Variants in PDE4D observed in about 807,000 individuals in gnomAD.
PDE4D encodes 3',5'-cyclic-AMP phosphodiesterase 4D.
In PDE4D, 24 loss-of-function variants were observed where a neutral mutation model predicts 87.4. That is an observed-to-expected ratio of 0.27 (90% CI 0.20 to 0.39). PDE4D has a LOEUF of 0.39. Among genes scored for constraint, PDE4D ranks in the 10% least tolerant of loss-of-function variants. The pLI, the probability that PDE4D is intolerant of heterozygous loss-of-function variation, is 1.00. For synonymous variants in PDE4D, 384 were observed against 383.2 expected (o/e 1.00, Z -0.02); for missense variants, 714 against 1,041.0 (o/e 0.69, Z 4.32).
intron 4 of PDE4D, among the ~76,000 whole-genome samples, chr5:59,183,048 C>G (rs549582285): frequency 6.6e-6 from 1 of 152,302 alleles, no homozygotes; most frequent in East Asian, 1.9e-4. Context: ...GAGTGCCCAG[C>G]AGGAAAGGTT....
chr5:59,647,837 A>G (rs1742731975), intron 1 of PDE4D, among the ~76,000 whole-genome samples: 1 of 152,196 alleles, frequency 6.6e-6, no homozygotes, highest in African/African-American at 2.4e-5. Context: ...ACTATTAAAC[A>G]CATAACTTAT....
chr5:60,325,993 G>A (rs73106751), intron 1 of PDE4D, among the ~76,000 whole-genome samples: 8,860 of 152,160 alleles, frequency 0.058, 855 homozygotes, highest in African/African-American at 0.2. Flanking sequence ...GTATGTATCA[G>A]TAGTTTGTTT....
intron 1 of PDE4D, among the ~76,000 whole-genome samples, chr5:59,490,665 C>T (rs1806014095): frequency 1.3e-5 from 2 of 152,148 alleles, no homozygotes. Flanking sequence ...CATTTGTGTA[C>T]TGCAATGACT....
intron 1 of PDE4D, among the ~76,000 whole-genome samples, chr5:60,289,762 T>C (rs1323803377): frequency 6.6e-6 from 1 of 152,190 alleles, no homozygotes; most frequent in Non-Finnish European, 1.5e-5. Flanking sequence ...TAATTAAATG[T>C]GCAATTTGTT....
At chr5:59,124,002 C>A (rs945372035) in intron 5 of PDE4D, among the ~76,000 whole-genome samples, 1 of 152,202 alleles carries the variant, frequency 6.6e-6, no homozygotes, top group Non-Finnish European at 1.5e-5. Flanking sequence ...AATATTTCTA[C>A]AACTGTCAAG....
At position 59,967,935 on chromosome 5, in the gene PDE4D, T is replaced by G. The variant is rs544838870; in HGVS notation, c.272+20553A>C. Among the ~76,000 whole-genome samples, 214 of 150,442 alleles carry G rather than the reference T, an allele frequency of 1.4e-3. 2 individuals are homozygous for G. The highest frequency in any genetic ancestry group is 0.013 in the Admixed American group (198 of 15,102). Reference sequence around the variant, plus strand: ...GCAACCCCAAAACAGAATAAAATCATGTCTTTTGCAGCAACATGAATGGAG... The same window carrying G: ...GCAACCCCAAAACAGAATAAAATCAGGTCTTTTGCAGCAACATGAATGGAG... On this transcript the variant is annotated intron_variant, in intron 3 of 16. Transcript: ENST00000502484.
At chr5:60,194,257 A>G (rs1277113156) in intron 1 of PDE4D, among the ~76,000 whole-genome samples, 2 of 151,500 alleles carry the variant, frequency 1.3e-5, no homozygotes, top group Admixed American at 1.3e-4. Flanking sequence ...AAGATCCTAG[A>G]CCTCCATATC....
intron 3 of PDE4D, among the ~76,000 whole-genome samples, chr5:59,975,238 G>A (rs983935527): frequency 1.3e-5 from 2 of 152,132 alleles, no homozygotes; most frequent in African/African-American, 4.8e-5. Context: ...TGACTTTGAT[G>A]TTGATGTGGA....
At position 59,776,950 on chromosome 5, in the gene PDE4D, G is replaced by A. The variant is rs138933179; in HGVS notation, c.455+116218C>T. Among the ~76,000 whole-genome samples, 30 of 152,068 alleles carry A rather than the reference G, an allele frequency of 2.0e-4. No individual in the cohort carries two copies. The East Asian group carries it at 5.4e-3, about 27-fold the overall frequency. On this transcript the variant is annotated intron_variant, in intron 1 of 14. Transcript: ENST00000340635. ...GGGCTCCTCAGAGTAAGAGCTCTCC[G>A]TCTTTTAATATGTTAATGTGATTTG...
chr5:59,574,220 G>A (rs1481520710), intron 1 of PDE4D, among the ~76,000 whole-genome samples: 1 of 135,448 alleles, frequency 7.4e-6, no homozygotes, highest in Non-Finnish European at 1.6e-5. Flanking sequence ...AGAGGATTCT[G>A]GTGCCGTTTG....
At chr5:59,416,852 T>C (rs1047684841) in intron 1 of PDE4D, among the ~76,000 whole-genome samples, 6 of 152,124 alleles carry the variant, frequency 3.9e-5, no homozygotes, top group Admixed American at 3.9e-4. Flanking sequence ...ATAATTGAGG[T>C]CATTGGATTT....
rs1269694481 is a variant in PDE4D at position 59,537,003 on chromosome 5, G to T, written c.456-321035C>A. On this transcript the variant is annotated intron_variant, in intron 1 of 14. Coordinates refer to ENST00000340635, the MANE Select transcript of PDE4D (RefSeq NM_001104631.2). ...ACAGGCTTATCTGAAGTTTACAGAAGATTTAATATAGTTTACTAGATGATT... is the reference window on the plus strand; with the variant it reads ...ACAGGCTTATCTGAAGTTTACAGAATATTTAATATAGTTTACTAGATGATT... Among the ~76,000 whole-genome samples the T allele has an allele frequency of 3.9e-5, 6 of 152,296 alleles. No individual in the cohort carries two copies. In the East Asian group the frequency reaches 1.2e-3, roughly 29 times the overall value.
At chr5:59,574,102 ATT>A (rs1415648980) in intron 1 of PDE4D, among the ~76,000 whole-genome samples, 280 of 3,116 alleles carry the variant, frequency 0.09, 3 homozygotes, top group East Asian at 0.16. Context: ...ATAAATATAT[ATT>A]TATATATATA....
rs547471208 is a variant in PDE4D at position 59,616,945 on chromosome 5, A to C, written c.455+276223T>G. Among the ~76,000 whole-genome samples, 123 of 137,262 alleles carry C rather than the reference A, an allele frequency of 9.0e-4. 1 individual carries two copies. Among genetic ancestry groups the C allele is most frequent in the South Asian group, 1.2e-3 (5 of 4,216 alleles). The allele number at this position is 137,262 out of a possible 152,430, so 90.0% of individuals were successfully genotyped here. On this transcript the variant is annotated intron_variant, in intron 1 of 14. Coordinates refer to ENST00000340635, the MANE Select transcript of PDE4D (RefSeq NM_001104631.2). ...TATATATATATATATATATATATATATCTCCAAGATTTTAAAGTATTAGGT... is the reference window on the plus strand; with the variant it reads ...TATATATATATATATATATATATATCTCTCCAAGATTTTAAAGTATTAGGT...
chr5:59,634,430 T>C (rs1158027250), intron 1 of PDE4D, among the ~76,000 whole-genome samples: 3 of 152,166 alleles, frequency 2.0e-5, no homozygotes, highest in Admixed American at 6.5e-5. Context: ...CAACAGAATA[T>C]ACATTCTTCT....
chr5:59,658,385 A>AT lies in PDE4D; in HGVS notation c.455+234782dup, dbSNP rs1326490516. Among the ~76,000 whole-genome samples, 836 of 145,848 alleles carry AT rather than the reference A, an allele frequency of 5.7e-3. 3 individuals are homozygous for AT. Among genetic ancestry groups the AT allele is most frequent in the African/African-American group, 0.014 (572 of 40,196 alleles). The stretch of plus-strand genomic sequence containing the variant: ...CTAAGAACCCAAAATGGAGAGCCAG[A>AT]TTTTTTTTTTTTTTGAGACGGAGTC... On this transcript the variant is annotated intron_variant, in intron 1 of 14. Coordinates refer to ENST00000340635, the MANE Select transcript of PDE4D (RefSeq NM_001104631.2).
intron 5 of PDE4D, among the ~76,000 whole-genome samples, chr5:59,110,282 G>C (rs575653601): frequency 5.7e-4 from 87 of 152,302 alleles, no homozygotes; most frequent in African/African-American, 2.0e-3. Context: ...GAGACTGCTT[G>C]GTTGAGGACA....
chr5:59,238,083 C>T (rs761081640), intron 1 of PDE4D, among the ~76,000 whole-genome samples: 6 of 152,112 alleles, frequency 3.9e-5, no homozygotes, highest in African/African-American at 7.2e-5. Context: ...GAGTTCAAAA[C>T]CTGATTCTCT....
intron 1 of PDE4D, among the ~76,000 whole-genome samples, chr5:60,226,410 CAG>C (rs1745110537): frequency 6.6e-6 from 1 of 152,026 alleles, no homozygotes; most frequent in African/African-American, 2.4e-5. Flanking sequence ...ATAAATCAAA[CAG>C]GGTGCCCCAG....
Sources: allele counts gnomAD v4.1 joint callset (sites outside exome capture counted in the v4.1 genomes callset), GRCh38; gene constraint gnomAD v4.1.1; transcripts MANE v1.5; gene names NCBI Gene and HGNC (gene_info 2026-07-23, HGNC 2026-07-21).